The following CNTN5 variants were observed in gnomAD, a reference collection of about 807,000 sequenced individuals.
CNTN5 encodes contactin-5.
Under a neutral mutation model 129.1 loss-of-function variants are expected in CNTN5, and 77 were observed. That is an observed-to-expected ratio of 0.60 (90% CI 0.50 to 0.72). CNTN5 has a LOEUF of 0.72. Ranked by LOEUF, CNTN5 falls within the 30% of genes least tolerant of loss-of-function variation. The probability of loss-of-function intolerance (pLI) is 0.00; values close to 1 mark genes in which losing one functional copy is unlikely to be tolerated. For missense variants in CNTN5, 1,478 were observed against 1,328.8 expected, an observed-to-expected ratio of 1.11 and a Z score of -1.75; for synonymous variants, 509 against 465.6, an observed-to-expected ratio of 1.09 and a Z score of -1.20.
intron 3 of CNTN5, among the ~76,000 whole-genome samples, chr11:99,649,558 G>A (rs1307151244): frequency 6.6e-6 from 1 of 151,800 alleles, no homozygotes; most frequent in Admixed American, 6.6e-5. Flanking sequence ...TTGGTGACCT[G>A]CAGAACTTCC....
chr11:99,091,105 T>C (rs1395629889), intron 1 of CNTN5, among the ~76,000 whole-genome samples: 5 of 147,002 alleles, frequency 3.4e-5, no homozygotes, highest in Non-Finnish European at 7.5e-5. Context: ...AATCGAGACC[T>C]AAATCAAACA....
chr11:99,721,927 A>C (rs1943186451), intron 3 of CNTN5, among the ~76,000 whole-genome samples: 1 of 152,212 alleles, frequency 6.6e-6, no homozygotes, highest in Admixed American at 6.5e-5. Context: ...AATCAAAACC[A>C]CAATGAGATA....
intron 2 of CNTN5, among the ~76,000 whole-genome samples, chr11:99,445,545 A>G (rs906178469): frequency 3.3e-5 from 5 of 152,134 alleles, no homozygotes; most frequent in African/African-American, 9.7e-5. Flanking sequence ...CATCTTTACT[A>G]ACATTAATTT....
chr11:99,709,636 A>G lies in CNTN5; in HGVS notation c.56-109908A>G, dbSNP rs574667252. Among the ~76,000 whole-genome samples the G allele has an allele frequency of 1.2e-4, 19 of 152,022 alleles. 1 individual carries two copies. The highest frequency in any genetic ancestry group is 9.8e-4 in the Admixed American group (15 of 15,236). The stretch of plus-strand genomic sequence containing the variant: ...TTCTAAATTGGGTAGTAATTCCATC[A>G]AACTAGAACAATTGCAAATTAACAG... On this transcript the variant is annotated intron_variant, in intron 3 of 24. Coordinates refer to ENST00000524871, the MANE Select transcript of CNTN5 (RefSeq NM_014361.4).
At chr11:99,962,748 G>T (rs1393882030) in intron 8 of CNTN5, among the ~76,000 whole-genome samples, 1 of 151,492 alleles carries the variant, frequency 6.6e-6, no homozygotes, top group Admixed American at 6.6e-5. Flanking sequence ...CTTCCACAAT[G>T]GTTGAAGTAG....
chr11:99,788,324 G>A (rs1174644199), intron 3 of CNTN5, among the ~76,000 whole-genome samples: 1 of 151,746 alleles, frequency 6.6e-6, no homozygotes, highest in Non-Finnish European at 1.5e-5. Flanking sequence ...GCTGTGGAGG[G>A]CATTTCAAAA....
chr11:99,646,710 A>G (rs1294312118), intron 3 of CNTN5, among the ~76,000 whole-genome samples: 1 of 151,946 alleles, frequency 6.6e-6, no homozygotes, highest in East Asian at 1.9e-4. Flanking sequence ...CCATTAGTAT[A>G]TCTCACTGAA....
intron 2 of CNTN5, among the ~76,000 whole-genome samples, chr11:99,438,653 C>G (rs1943695007): frequency 6.6e-6 from 1 of 152,020 alleles, no homozygotes; most frequent in African/African-American, 2.4e-5. Context: ...CTAAAGAGGA[C>G]ACTGTATACA....
At chr11:100,052,751 A>G (rs1396379545) in intron 9 of CNTN5, among the ~76,000 whole-genome samples, 1 of 151,802 alleles carries the variant, frequency 6.6e-6, no homozygotes, top group Non-Finnish European at 1.5e-5. Context: ...GAAATAGCCA[A>G]AGGTAGAAAA....
intron 9 of CNTN5, among the ~76,000 whole-genome samples, chr11:100,035,423 A>G (rs1941936017): frequency 2.1e-5 from 3 of 145,732 alleles, no homozygotes; most frequent in African/African-American, 5.4e-5. Flanking sequence ...TAGTGCCGCA[A>G]TAAACATACG....
At chr11:99,528,901 T>TA (rs35945785) in intron 2 of CNTN5, among the ~76,000 whole-genome samples, 9,858 of 145,444 alleles carry the variant, frequency 0.068, 366 homozygotes, top group Non-Finnish European at 0.078. Context: ...CCGTTTCTAC[T>TA]AAAAAAAAAA....
At chr11:99,408,337 C>A (rs866799485) in intron 2 of CNTN5, among the ~76,000 whole-genome samples, 5 of 140,886 alleles carry the variant, frequency 3.5e-5, no homozygotes, top group Non-Finnish European at 7.6e-5. Context: ...GTGGCTAGGA[C>A]TACCAGCACA....
intron 3 of CNTN5, among the ~76,000 whole-genome samples, chr11:99,600,601 A>AGGATCCCAATCCTCC (rs1475886130): frequency 3.9e-5 from 6 of 152,082 alleles, no homozygotes; most frequent in Non-Finnish European, 8.8e-5. Flanking sequence ...TGGACTCCGG[A>AGGATCCCAATCCTCC]GGATTGGGGT....
At chr11:100,293,904 T>C (rs1371151656) in intron 18 of CNTN5, among the ~76,000 whole-genome samples, 1 of 151,778 alleles carries the variant, frequency 6.6e-6, no homozygotes, top group Non-Finnish European at 1.5e-5. Flanking sequence ...TTCTGTAAAC[T>C]AAGCCTGAGT....
intron 1 of CNTN5, among the ~76,000 whole-genome samples, chr11:99,167,776 T>A (rs1427649418): frequency 6.6e-6 from 1 of 152,162 alleles, no homozygotes; most frequent in African/African-American, 2.4e-5. Flanking sequence ...GGCTCCAGTA[T>A]AACTTTTAAC....
chr11:99,336,272 A>G (rs541000014), intron 2 of CNTN5, among the ~76,000 whole-genome samples: 1 of 152,310 alleles, frequency 6.6e-6, no homozygotes, highest in South Asian at 2.1e-4. Flanking sequence ...TAGCTTGGAT[A>G]AACAACCTAA....
chr11:100,286,817 G>T (rs1393060630), intron 18 of CNTN5, among the ~76,000 whole-genome samples: 1 of 150,020 alleles, frequency 6.7e-6, no homozygotes, highest in African/African-American at 2.5e-5. Flanking sequence ...TGAGCTACGG[G>T]AGGACATTCA....
intron 13 of CNTN5, among the ~76,000 whole-genome samples, chr11:100,141,352 A>C (rs1946692371): frequency 6.6e-6 from 1 of 151,676 alleles, no homozygotes; most frequent in Admixed American, 6.6e-5. Context: ...TTTTGGAAAC[A>C]GTGAGGGGTG....
intron 2 of CNTN5, among the ~76,000 whole-genome samples, chr11:99,555,701 T>A (rs919436226): frequency 5.9e-5 from 9 of 151,900 alleles, no homozygotes; most frequent in Non-Finnish European, 1.2e-4. Context: ...TTTGATGAGC[T>A]ACAGGCACAA....
Sources: gnomAD v4.1 joint callset for allele counts (sites outside exome capture counted in the v4.1 genomes callset) on GRCh38, gnomAD v4.1.1 for gene constraint, MANE v1.5 for transcripts, NCBI Gene and HGNC (gene_info 2026-07-23, HGNC 2026-07-21) for gene names.